The following RCL1 variants were observed in gnomAD, a reference collection of about 807,000 sequenced individuals.
RCL1 encodes the protein RNA 3'-terminal phosphate cyclase-like protein.
A neutral mutation model predicts 42.4 loss-of-function variants in RCL1; 24 were observed. That is an observed-to-expected ratio of 0.57 (90% CI 0.41 to 0.80). The LOEUF (loss-of-function observed/expected upper bound fraction) is 0.80. Among genes scored for constraint, RCL1 ranks in the 30% least tolerant of loss-of-function variants. The pLI is 0.00. For missense variants in RCL1, 578 were observed against 467.9 expected (o/e 1.24, Z -2.17); for synonymous variants, 228 against 177.3 (o/e 1.29, Z -2.27).
At chr9:4,798,577 G>A (rs1221379185) in intron 1 of RCL1, among the ~76,000 whole-genome samples, 1 of 152,252 alleles carries the variant, frequency 6.6e-6, no homozygotes, top group Non-Finnish European at 1.5e-5. Context: ...GAGGAAGCAT[G>A]CCACAAAGAG....
chr9:4,798,016 C>G (rs757709958), intron 1 of RCL1, among the ~76,000 whole-genome samples: 17 of 152,240 alleles, frequency 1.1e-4, no homozygotes, highest in Non-Finnish European at 2.1e-4. Context: ...AATATTTTTT[C>G]TTGTTGCTGC....
At chr9:4,824,842 T>C (rs1156816868) in intron 2 of RCL1, among the ~76,000 whole-genome samples, 1 of 152,222 alleles carries the variant, frequency 6.6e-6, no homozygotes, top group Non-Finnish European at 1.5e-5. Flanking sequence ...CTTTAGCTTG[T>C]TTGCTTTGAA....
chr9:4,858,611 C>T (rs1047686321), intron 8 of RCL1, among the ~76,000 whole-genome samples: 13 of 152,174 alleles, frequency 8.5e-5, no homozygotes, highest in African/African-American at 3.1e-4. Context: ...TCATTTGTTG[C>T]AATGATTATG....
At position 4,833,228 on chromosome 9, in the gene RCL1, G is replaced by A. The variant is rs1817009670; in HGVS notation, c.459G>A (p.Lys153=). The change falls in exon 4 of 9, where the codon AAG becomes AAA. Residue 153 remains lysine, a splice_region_variant and synonymous_variant. Coordinates refer to ENST00000381750, the MANE Select transcript of RCL1 (RefSeq NM_005772.5). ...TTGATGGTGAATCATTTGAACTGAA[G>A]GTAAGAATGTTTGAACTGTTGACCA... ...FGIDGESFEL[K]IVRRGMPPGG... 6.2e-7 allele frequency: 1 copy of A among 1,608,512 alleles called. No homozygotes were observed. Among genetic ancestry groups the A allele is most frequent in the Non-Finnish European group, 8.5e-7 (1 of 1,174,974 alleles).
intron 3 of RCL1, among the ~76,000 whole-genome samples, chr9:4,830,157 A>C (rs1489273689): frequency 6.6e-6 from 1 of 152,254 alleles, no homozygotes; most frequent in Non-Finnish European, 1.5e-5. Context: ...CAGACTGAGC[A>C]GTGAGACATT....
At chr9:4,836,037 G>T (rs1432705379) in intron 5 of RCL1, among the ~76,000 whole-genome samples, 1 of 152,182 alleles carries the variant, frequency 6.6e-6, no homozygotes, top group Non-Finnish European at 1.5e-5. Flanking sequence ...AGGGTAAGGG[G>T]ATGGGCGGGG....
At chr9:4,849,295 T>C in intron 7 of RCL1, 152 bp from the exon 8 acceptor site, 1 of 614,686 alleles carries the variant, frequency 1.6e-6, no homozygotes, top group Non-Finnish European at 2.9e-6. Flanking sequence ...GTTGATACAA[T>C]GATTACTCTT....
chr9:4,812,521 C>G (rs540211179), intron 1 of RCL1, among the ~76,000 whole-genome samples: 2 of 152,222 alleles, frequency 1.3e-5, no homozygotes, highest in African/African-American at 2.4e-5. Flanking sequence ...GCCTTGGCCT[C>G]CTGAAAGGCT....
intron 3 of RCL1, among the ~76,000 whole-genome samples, chr9:4,829,878 T>C (rs978991772): frequency 6.6e-6 from 1 of 152,184 alleles, no homozygotes; most frequent in Non-Finnish European, 1.5e-5. Context: ...TTGGATAAGG[T>C]GTGAGCTTTC....
Position 4,793,121 on chromosome 9 carries a change from C to A in RCL1, c.30C>A (p.Tyr10Ter). Residue 10 changes from tyrosine (Y) to a stop codon, truncating the protein, a stop_gained, in exon 1 of 9, where the codon TAC (tyrosine) becomes TAA (stop). Transcript: ENST00000381750. LOFTEE classifies it high-confidence loss of function. ...CGACTCAGGCGCACTCCCTCAGCTA[C>A]GCAGGGTGCAACTTCTTGCGCCAAC... is the stretch of plus-strand genomic sequence containing the variant. The part of the protein sequence containing the change: MATQAHSLS[Y>*]AGCNFLRQRL... 6.2e-6 allele frequency: 10 copies of A among 1,610,356 alleles called. No homozygotes were observed. The highest frequency in any genetic ancestry group is 8.5e-6 in the Non-Finnish European group (10 of 1,178,684).
intron 1 of RCL1, among the ~76,000 whole-genome samples, chr9:4,798,531 T>G (rs1009301753): frequency 6.6e-6 from 1 of 152,204 alleles, no homozygotes. Flanking sequence ...AAGAGCTAAG[T>G]GGAGTTTTAA....
chr9:4,794,496 C>G (rs187274603), intron 1 of RCL1, among the ~76,000 whole-genome samples: 1 of 152,176 alleles, frequency 6.6e-6, no homozygotes, highest in Non-Finnish European at 1.5e-5. Context: ...TAGTTTGACC[C>G]TTGGGCAAAG....
intron 1 of RCL1, among the ~76,000 whole-genome samples, chr9:4,815,327 A>G (rs1311870622): frequency 6.6e-6 from 1 of 152,068 alleles, no homozygotes; most frequent in African/African-American, 2.4e-5. Context: ...TTCTTTGAGT[A>G]GGTAATTTTG....
At chr9:4,825,381 G>A (rs930769476) in intron 2 of RCL1, among the ~76,000 whole-genome samples, 1 of 152,110 alleles carries the variant, frequency 6.6e-6, no homozygotes, top group African/African-American at 2.4e-5. Context: ...TGAATATATA[G>A]TCTTTTTATG....
chr9:4,832,805 CAAAAA>C (rs34915834), intron 3 of RCL1, among the ~76,000 whole-genome samples: 2 of 39,306 alleles, frequency 5.1e-5, no homozygotes, highest in Non-Finnish European at 9.1e-5. Flanking sequence ...AGATTCCACT[CAAAAA>C]AAAAAAAAAA....
At chr9:4,845,490 T>A (rs890832172) in intron 7 of RCL1, among the ~76,000 whole-genome samples, 1 of 152,192 alleles carries the variant, frequency 6.6e-6, no homozygotes, top group Admixed American at 6.5e-5. Flanking sequence ...ATAGGTGAGG[T>A]GACCTAAAGT....
intron 7 of RCL1, among the ~76,000 whole-genome samples, chr9:4,846,894 C>CT (rs113376831): frequency 8.1e-5 from 12 of 148,672 alleles, no homozygotes; most frequent in African/African-American, 2.0e-4. Flanking sequence ...TAATATTTTT[C>CT]TTTTTTTTTT....
In RCL1 at chr9:4,843,519, A is replaced by C. The variant is rs559665229; in HGVS notation, c.711-1006A>C. ...TAACTTGAAATAGGCCTGATAACACATATTTCCCACAAGTTGGGAAGAAAA... is the reference window on the plus strand; with the variant it reads ...TAACTTGAAATAGGCCTGATAACACCTATTTCCCACAAGTTGGGAAGAAAA... On this transcript the variant is annotated intron_variant, in intron 6 of 8. Transcript: ENST00000381750. 2.6e-5 allele frequency among the ~76,000 whole-genome samples: 4 copies of C among 152,316 alleles called. No homozygotes were observed. The South Asian group carries it at 8.3e-4, about 32-fold the overall frequency.
chr9:4,795,055 C>A (rs1196834200), intron 1 of RCL1, among the ~76,000 whole-genome samples: 1 of 151,876 alleles, frequency 6.6e-6, no homozygotes, highest in East Asian at 1.9e-4. Flanking sequence ...GCCTCAGAAA[C>A]CTTGTAGATG....
Sources: gnomAD v4.1 joint callset for allele counts (sites outside exome capture counted in the v4.1 genomes callset) on GRCh38, gnomAD v4.1.1 for gene constraint, MANE v1.5 for transcripts, NCBI Gene and HGNC (gene_info 2026-07-23, HGNC 2026-07-21) for gene names.